PDE9A: variants seen among roughly 807,000 people sequenced by gnomAD.
PDE9A encodes the protein high affinity cGMP-specific 3',5'-cyclic phosphodiesterase 9A.
Under a neutral mutation model 87.4 loss-of-function variants are expected in PDE9A, and 60 were observed. The ratio of observed to expected loss-of-function variants is 0.69; its 90% confidence interval spans 0.56 to 0.85. The LOEUF is 0.85. PDE9A is among the 40% of genes least tolerant of loss of function. PDE9A has a pLI of 0.00. For synonymous variants in PDE9A, 272 were observed against 279.4 expected, an observed-to-expected ratio of 0.97 and a Z score of 0.27; for missense variants, 665 against 779.0, an observed-to-expected ratio of 0.85 and a Z score of 1.74.
chr21:42,674,253 G>A (rs140423214), intron 1 of PDE9A, among the ~76,000 whole-genome samples: 21 of 151,668 alleles, frequency 1.4e-4, no homozygotes, highest in African/African-American at 2.4e-5. Context: ...CACTTCCACA[G>A]TGTAGGAGAT....
rs1430384984 is a variant in PDE9A at position 42,759,515 on chromosome 21, TA to T, written c.897+433del. 6.8e-6 allele frequency among the ~76,000 whole-genome samples: 1 copy of T among 147,156 alleles called. No homozygotes were observed. The highest frequency in any genetic ancestry group is 2.2e-4 in the South Asian group (1 of 4,618). ...GTGTTTGTGAGTGGGTGTGTGGATG[TA>T]AATGTGTGGGAGCGTGTGTGTGTGT... On this transcript the variant is annotated intron_variant, in intron 11 of 19. Coordinates refer to ENST00000291539, the MANE Select transcript of PDE9A (RefSeq NM_002606.3). The surrounding 1 kb of genome is among the most constrained non-coding windows in gnomAD (Gnocchi z 7.2).
chr21:42,762,123 A>C lies in PDE9A; in HGVS notation c.1126A>C (p.Asn376His). 6.2e-7 allele frequency: 1 copy of C among 1,614,138 alleles called. No homozygotes were observed. The highest frequency in any genetic ancestry group is 8.5e-7 in the Non-Finnish European group (1 of 1,180,002). ...CCGCACAGAGCTGGCGGTCCGCTACAATGACATCTCACCGCTGGAGAACCA... is the reference window on the plus strand; with the variant it reads ...CCGCACAGAGCTGGCGGTCCGCTACCATGACATCTCACCGCTGGAGAACCA... ...NARTELAVRY[N>H]DISPLENHHC... Residue 376 changes from asparagine to histidine, a missense_variant, in exon 14 of 20, where the codon AAT becomes CAT. Physicochemically the swap from Asn to His is moderately conservative, Grantham distance 68. Coordinates refer to ENST00000291539, the MANE Select transcript of PDE9A (RefSeq NM_002606.3).
rs1354951412 is a variant in PDE9A at position 42,659,129 on chromosome 21, C to T, written c.69+5246C>T. Reference sequence around the variant, plus strand: ...AGAGGGCACAGGAAACTGGGCCCTTCCCAATTTTAGCCCAAGGGTGCCGAA... The same window carrying T: ...AGAGGGCACAGGAAACTGGGCCCTTTCCAATTTTAGCCCAAGGGTGCCGAA... On this transcript the variant is annotated intron_variant, in intron 1 of 19. Transcript: ENST00000291539. This position sits in a 1 kb window ranked among gnomAD's most constrained non-coding sequence, Gnocchi z 4.1. Among the ~76,000 whole-genome samples the T allele has an allele frequency of 6.6e-6, 1 of 152,216 alleles. No homozygotes were observed. The highest frequency in any genetic ancestry group is 1.9e-4 in the East Asian group (1 of 5,192).
At chr21:42,661,426 T>C (rs1161241443) in intron 1 of PDE9A, among the ~76,000 whole-genome samples, 1 of 135,764 alleles carries the variant, frequency 7.4e-6, no homozygotes, top group African/African-American at 2.8e-5. Flanking sequence ...CACTGTACAT[T>C]CCGCTTTCTA....
At chr21:42,712,923 A>C (rs909509266) in intron 4 of PDE9A, among the ~76,000 whole-genome samples, 13 of 152,186 alleles carry the variant, frequency 8.5e-5, no homozygotes, top group African/African-American at 3.1e-4. Context: ...TAAGATAATG[A>C]ATAATACTGA....
At chr21:42,673,797 G>A (rs1221829388) in intron 1 of PDE9A, among the ~76,000 whole-genome samples, 2 of 152,154 alleles carry the variant, frequency 1.3e-5, no homozygotes, top group African/African-American at 2.4e-5. Flanking sequence ...TGCCTGCACC[G>A]CTTTGCAGAC....
intron 1 of PDE9A, among the ~76,000 whole-genome samples, chr21:42,668,702 T>C (rs1318155028): frequency 6.6e-6 from 1 of 152,170 alleles, no homozygotes; most frequent in Non-Finnish European, 1.5e-5. Flanking sequence ...TCATGACAAA[T>C]GAGCCCTGTG....
rs189072362 is a variant in PDE9A at position 42,773,557 on chromosome 21, A to C, written c.1768+1037A>C. On this transcript the variant is annotated intron_variant, in intron 19 of 19. Coordinates refer to ENST00000291539, the MANE Select transcript of PDE9A (RefSeq NM_002606.3). ...GCACGGTGGCTCACGCCTGTAATCCAAGCACTTTGGGAGGCCAAGGCGGCG... is the reference window on the plus strand; with the variant it reads ...GCACGGTGGCTCACGCCTGTAATCCCAGCACTTTGGGAGGCCAAGGCGGCG... 1.9e-3 allele frequency among the ~76,000 whole-genome samples: 296 copies of C among 151,802 alleles called. 4 individuals carry two copies. In the South Asian group the frequency reaches 0.031, roughly 16 times the overall value.
chr21:42,739,481 C>A lies in PDE9A; in HGVS notation c.569-4295C>A, dbSNP rs1602376674. ...CACCACATGCTCACCTCTGCCTCCT[C>A]CTGCAGACCTCCCCGCCAGCCCCGT... On this transcript the variant is annotated intron_variant, in intron 7 of 19. Coordinates refer to ENST00000291539, the MANE Select transcript of PDE9A (RefSeq NM_002606.3). The surrounding 1 kb of genome is among the most constrained non-coding windows in gnomAD (Gnocchi z 4.1). 6.6e-6 allele frequency among the ~76,000 whole-genome samples: 1 copy of A among 152,342 alleles called. No individual in the cohort carries two copies. Among genetic ancestry groups the A allele is most frequent in the Middle Eastern group, 3.4e-3 (1 of 294 alleles).
At chr21:42,717,436 G>A (rs376748958) in intron 4 of PDE9A, among the ~76,000 whole-genome samples, 2 of 148,446 alleles carry the variant, frequency 1.3e-5, no homozygotes, top group East Asian at 2.0e-4. Context: ...GATTACAGGC[G>A]CCCACCACCA....
At position 42,705,218 on chromosome 21, in the gene PDE9A, A is replaced by C. The variant is rs2245730; in HGVS notation, c.262+6207A>C. On this transcript the variant is annotated intron_variant, in intron 4 of 19. Coordinates refer to ENST00000291539, the MANE Select transcript of PDE9A (RefSeq NM_002606.3). This position sits in a 1 kb window ranked among gnomAD's most constrained non-coding sequence, Gnocchi z 4.3. ...AGGGAATCAAATGGATAGAGCATTT[A>C]TCCCTTTTGTGACTAAAATAAAGGT... 0.52 allele frequency among the ~76,000 whole-genome samples: 78,512 copies of C among 152,132 alleles called. 21,420 individuals are homozygous for C. The highest frequency in any genetic ancestry group is 0.9 in the East Asian group (4,652 of 5,172).
intron 1 of PDE9A, among the ~76,000 whole-genome samples, chr21:42,662,966 C>G (rs984243431): frequency 1.4e-5 from 2 of 146,226 alleles, no homozygotes; most frequent in Non-Finnish European, 3.0e-5. Flanking sequence ...CATGCACACG[C>G]CACGCGCCTC....
rs200007433 is a variant in PDE9A, at chr21:42,653,786, A to C, written c.-29A>C. On this transcript the variant is annotated 5_prime_UTR_variant, in exon 1 of 20. Coordinates refer to ENST00000291539, the MANE Select transcript of PDE9A (RefSeq NM_002606.3). ...GGCTGGCGTCGGGAAAGTACAGTAA[A>C]AAGTCCGAGTGCAGCCGCCGGGCGC... is the stretch of plus-strand genomic sequence containing the variant. 57 of 1,500,204 alleles carry C rather than the reference A, an allele frequency of 3.8e-5. No homozygotes were observed. In the East Asian group the frequency reaches 8.8e-4, roughly 23 times the overall value. 92.9% of individuals were successfully genotyped at this position (1,500,204 alleles called of 1,614,324 possible). A position where few individuals can be genotyped will look rare whatever the true frequency, so the allele number is the denominator to read the frequency against.
intron 17 of PDE9A, 113 bp from the exon 18 acceptor site, chr21:42,770,590 G>A (rs1445257782): frequency 9.5e-6 from 7 of 735,668 alleles, no homozygotes; most frequent in East Asian, 2.7e-5. Flanking sequence ...GTGTCCAGGA[G>A]CTGGGACTGG....
chr21:42,703,472 C>T (rs1056427683), intron 4 of PDE9A, among the ~76,000 whole-genome samples: 6 of 152,166 alleles, frequency 3.9e-5, no homozygotes, highest in Non-Finnish European at 7.4e-5. Flanking sequence ...AAAGGCTGGC[C>T]GGGTGTGGGT....
chr21:42,748,451 G>A (rs891452242), intron 8 of PDE9A, among the ~76,000 whole-genome samples: 5 of 152,198 alleles, frequency 3.3e-5, no homozygotes, highest in East Asian at 1.9e-4. Context: ...TCCGTGGAGC[G>A]GTGGTTATCA....
In PDE9A at chr21:42,753,970, G is replaced by A. The variant is rs561289365; in HGVS notation, c.736-20G>A. On this transcript the variant is annotated intron_variant, in intron 9 of 19. Coordinates refer to ENST00000291539, the MANE Select transcript of PDE9A (RefSeq NM_002606.3). ...CAGGCCCACGGCGCCTGGTTAACAC[G>A]GAACTCCTGTCCTTTCTAGTACCTG... 30 of 1,553,614 alleles carry A rather than the reference G, an allele frequency of 1.9e-5. No homozygotes were observed. In the East Asian group the frequency reaches 5.2e-4, roughly 27 times the overall value.
At chr21:42,733,072 C>T (rs925229990) in intron 6 of PDE9A, among the ~76,000 whole-genome samples, 3 of 152,208 alleles carry the variant, frequency 2.0e-5, no homozygotes, top group Admixed American at 6.5e-5. Context: ...GCCATGTGTC[C>T]ACCCCAGAGA....
chr21:42,769,456 A>G (rs1282350153), intron 17 of PDE9A, among the ~76,000 whole-genome samples: 1 of 134,936 alleles, frequency 7.4e-6, no homozygotes, highest in Non-Finnish European at 1.6e-5. Context: ...AGGCACACAC[A>G]GGCACACAAA....
Sources: allele counts gnomAD v4.1 joint callset (sites outside exome capture counted in the v4.1 genomes callset), GRCh38; gene constraint gnomAD v4.1.1; non-coding constraint Gnocchi (gnomAD v3.1); transcripts MANE v1.5; gene names NCBI Gene and HGNC (gene_info 2026-07-23, HGNC 2026-07-21).